Variants in LRBA observed in about 807,000 individuals in gnomAD.
LRBA encodes the protein lipopolysaccharide-responsive and beige-like anchor protein.
Under a neutral mutation model 330.0 loss-of-function variants are expected in LRBA, and 176 were observed. The ratio of observed to expected loss-of-function variants is 0.53; its 90% CI spans 0.47 to 0.60. LRBA has a LOEUF of 0.60. LRBA is among the 20% of genes least tolerant of loss of function. The probability of loss-of-function intolerance (pLI) is 0.00; values close to 1 mark genes in which losing one functional copy is unlikely to be tolerated. For missense variants in LRBA, 3,259 were observed against 3,444.8 expected, an observed-to-expected ratio of 0.95 and a Z score of 1.35; for synonymous variants, 1,230 against 1,193.0, an observed-to-expected ratio of 1.03 and a Z score of -0.64.
chr4:150,410,607 C>T (rs1000737937), intron 47 of LRBA, among the ~76,000 whole-genome samples: 1 of 152,066 alleles, frequency 6.6e-6, no homozygotes, highest in African/African-American at 2.4e-5. Context: ...ATTAATGCCA[C>T]CTCCAGGCCT....
At chr4:150,681,417 T>A (rs1401852595) in intron 37 of LRBA, among the ~76,000 whole-genome samples, 1 of 152,188 alleles carries the variant, frequency 6.6e-6, no homozygotes, top group African/African-American at 2.4e-5. Context: ...AACATTAAGA[T>A]CCACACTTCA....
At chr4:150,603,609 TCATCCTCCCCAGTAACTGAGA>T (rs1195466940) in intron 37 of LRBA, among the ~76,000 whole-genome samples, 1 of 152,126 alleles carries the variant, frequency 6.6e-6, no homozygotes, top group African/African-American at 2.4e-5. Flanking sequence ...TTCTCCTGCC[TCATCCTCCCCAGTAACTGAGA>T]CATCCTCCCC....
intron 37 of LRBA, among the ~76,000 whole-genome samples, chr4:150,666,699 C>T (rs977366156): frequency 1.3e-5 from 2 of 151,992 alleles, no homozygotes; most frequent in Non-Finnish European, 2.9e-5. Flanking sequence ...GGTATTCATG[C>T]GGGCCCTGCA....
At chr4:150,278,573 A>C (rs2126745961) in intron 55 of LRBA, among the ~76,000 whole-genome samples, 1 of 152,298 alleles carries the variant, frequency 6.6e-6, no homozygotes, top group Admixed American at 6.5e-5. Flanking sequence ...CAGGGCTGAC[A>C]GTGCTCCAGC....
At chr4:150,521,369 C>G (rs1762904491) in intron 40 of LRBA, among the ~76,000 whole-genome samples, 1 of 151,994 alleles carries the variant, frequency 6.6e-6, no homozygotes, top group South Asian at 2.1e-4. Flanking sequence ...TATAGGTTTT[C>G]CTCTAGGTAC....
chr4:150,892,744 C>G (rs756761145), intron 17 of LRBA, among the ~76,000 whole-genome samples: 1 of 152,150 alleles, frequency 6.6e-6, no homozygotes, highest in Non-Finnish European at 1.5e-5. Context: ...TTAATACTAT[C>G]TAGGACCTAA....
chr4:150,273,524 G>T (rs1451370523), intron 56 of LRBA, among the ~76,000 whole-genome samples: 1 of 152,028 alleles, frequency 6.6e-6, no homozygotes, highest in Non-Finnish European at 1.5e-5. Flanking sequence ...TGGCAAATTG[G>T]ATAAAGAGTC....
At position 150,747,776 on chromosome 4, in the gene LRBA, T is replaced by G. The variant is rs546656574; in HGVS notation, c.5646-12410A>C. Reference sequence around the variant, plus strand: ...TGCACTACCTACAAATCTTGTAATGTCCAAGAGCTCAGCTGTGTGTTCTTT... The same window carrying G: ...TGCACTACCTACAAATCTTGTAATGGCCAAGAGCTCAGCTGTGTGTTCTTT... On this transcript the variant is annotated intron_variant, in intron 35 of 56. Transcript: ENST00000651943. Among the ~76,000 whole-genome samples the G allele has an allele frequency of 4.6e-5, 7 of 152,292 alleles. No homozygotes were observed. In the South Asian group the frequency reaches 1.5e-3, roughly 32 times the overall value.
intron 22 of LRBA, among the ~76,000 whole-genome samples, chr4:150,856,215 G>A (rs1167300603): frequency 6.6e-6 from 1 of 152,160 alleles, no homozygotes; most frequent in Non-Finnish European, 1.5e-5. Flanking sequence ...AGCACATGAT[G>A]AAGGCAAGCA....
At chr4:150,844,243 A>AT (rs754759157) in intron 27 of LRBA, 36 bp from the exon 28 acceptor site, 3 of 1,000,828 alleles carry the variant, frequency 3.0e-6, no homozygotes, top group South Asian at 3.2e-5. Flanking sequence ...ATATATATAT[A>AT]TTCATATATA....
intron 34 of LRBA, among the ~76,000 whole-genome samples, chr4:150,784,034 T>A (rs1241987609): frequency 2.6e-5 from 4 of 152,152 alleles, no homozygotes; most frequent in Non-Finnish European, 5.9e-5. Flanking sequence ...AATTCAGGAA[T>A]AAATTGGACC....
intron 2 of LRBA, among the ~76,000 whole-genome samples, chr4:150,997,829 G>A (rs550375773): frequency 3.3e-5 from 5 of 151,770 alleles, no homozygotes; most frequent in East Asian, 2.0e-4. Context: ...TGAGCCTCCC[G>A]AGTAGCTGGG....
At chr4:150,480,630 T>C (rs1467592491) in intron 42 of LRBA, among the ~76,000 whole-genome samples, 1 of 152,174 alleles carries the variant, frequency 6.6e-6, no homozygotes, top group Non-Finnish European at 1.5e-5. Flanking sequence ...TTGGCTTAGA[T>C]ATTTTTAAAT....
chr4:150,803,575 T>C (rs1742085418), intron 33 of LRBA, among the ~76,000 whole-genome samples: 1 of 152,180 alleles, frequency 6.6e-6, no homozygotes, highest in African/African-American at 2.4e-5. Flanking sequence ...AACCAAAGTC[T>C]CCTGCCTTTT....
chr4:150,302,927 T>C, intron 52 of LRBA, 135 bp from the exon 53 acceptor site: 1 of 576,114 alleles, frequency 1.7e-6, no homozygotes, highest in East Asian at 3.1e-5. Context: ...TTTGACATGG[T>C]CCAACCTAAC....
chr4:150,355,140 T>G (rs990130076), intron 47 of LRBA, among the ~76,000 whole-genome samples: 1 of 152,022 alleles, frequency 6.6e-6, no homozygotes, highest in African/African-American at 2.4e-5. Context: ...CAAGAAACTC[T>G]AAGCTATTTG....
chr4:150,817,040 A>T (rs1744701751), intron 31 of LRBA, 84 bp downstream of exon 31: 11 of 1,271,702 alleles, frequency 8.6e-6, no homozygotes, highest in African/African-American at 1.5e-5. Flanking sequence ...TGTGCCCCCA[A>T]ATTTTAAGTT....
intron 36 of LRBA, among the ~76,000 whole-genome samples, chr4:150,723,728 A>G (rs1487410059): frequency 6.6e-6 from 1 of 152,224 alleles, no homozygotes; most frequent in Non-Finnish European, 1.5e-5. Context: ...CAGCTCGGCT[A>G]CATGGGGGTA....
chr4:150,760,910 G>A (rs766302880), intron 35 of LRBA, among the ~76,000 whole-genome samples: 6 of 152,034 alleles, frequency 3.9e-5, no homozygotes, highest in Non-Finnish European at 7.4e-5. Context: ...TACTCTTTTC[G>A]CCCTTTTCCA....
Sources: allele counts gnomAD v4.1 joint callset (sites outside exome capture counted in the v4.1 genomes callset), GRCh38; gene constraint gnomAD v4.1.1; transcripts MANE v1.5; gene names NCBI Gene and HGNC (gene_info 2026-07-23, HGNC 2026-07-21).